The following GPC5 variants were observed in gnomAD, a reference collection of about 807,000 sequenced individuals.
GPC5 encodes glypican 5, also known as glypican-5.
Under a neutral mutation model 53.9 loss-of-function variants are expected in GPC5, and 47 were observed. The observed-to-expected ratio is 0.87, with a 90% CI of 0.69 to 1.11. The LOEUF is 1.11. Ranked by LOEUF, GPC5 falls within the 50% of genes most tolerant of loss-of-function variation. GPC5 has a pLI of 0.00. For synonymous variants in GPC5, 286 were observed against 263.3 expected, an observed-to-expected ratio of 1.09 and a Z score of -0.84; for missense variants, 748 against 713.1, an observed-to-expected ratio of 1.05 and a Z score of -0.56.
intron 5 of GPC5, among the ~76,000 whole-genome samples, chr13:91,826,244 A>G (rs1440769943): frequency 6.6e-6 from 1 of 152,086 alleles, no homozygotes; most frequent in Non-Finnish European, 1.5e-5. Context: ...AGTCATATTA[A>G]ATACGTTCAA....
At chr13:91,566,154 C>T (rs972302467) in intron 2 of GPC5, among the ~76,000 whole-genome samples, 4 of 152,068 alleles carry the variant, frequency 2.6e-5, no homozygotes, top group African/African-American at 4.8e-5. Flanking sequence ...TATCTTTGTG[C>T]GTGGGGGTCA....
At chr13:91,747,641 G>GTTT (rs3837547) in intron 4 of GPC5, among the ~76,000 whole-genome samples, 1,706 of 149,232 alleles carry the variant, frequency 0.011, 11 homozygotes, top group Middle Eastern at 0.021. Flanking sequence ...GATGTATCTG[G>GTTT]TTTTTTTTTT....
intron 7 of GPC5, among the ~76,000 whole-genome samples, chr13:92,207,173 G>A (rs1336455376): frequency 6.6e-6 from 1 of 152,134 alleles, no homozygotes; most frequent in Admixed American, 6.5e-5. Context: ...TACTAGTCTA[G>A]CAAGTCCCTC....
At chr13:91,485,023 A>G (rs1566440749) in intron 2 of GPC5, among the ~76,000 whole-genome samples, 1 of 152,244 alleles carries the variant, frequency 6.6e-6, no homozygotes, top group African/African-American at 2.4e-5. Context: ...GAAATGCAGA[A>G]TAAAAAAAAT....
intron 5 of GPC5, among the ~76,000 whole-genome samples, chr13:91,846,800 A>T (rs555877134): frequency 6.6e-6 from 1 of 152,182 alleles, no homozygotes; most frequent in African/African-American, 2.4e-5. Flanking sequence ...AGGGTGAGAT[A>T]ATAGTTTTCA....
intron 7 of GPC5, among the ~76,000 whole-genome samples, chr13:92,288,828 T>G (rs2042974595): frequency 6.6e-6 from 1 of 152,190 alleles, no homozygotes; most frequent in Non-Finnish European, 1.5e-5. Context: ...ACCTAAAATT[T>G]GGCCCTTGAT....
At chr13:92,503,967 T>C (rs992406628) in intron 7 of GPC5, among the ~76,000 whole-genome samples, 1 of 151,962 alleles carries the variant, frequency 6.6e-6, no homozygotes, top group Non-Finnish European at 1.5e-5. Flanking sequence ...TACTTTGTTT[T>C]GAAGATTGTT....
At chr13:91,648,277 A>G (rs1365052861) in intron 2 of GPC5, among the ~76,000 whole-genome samples, 1 of 152,234 alleles carries the variant, frequency 6.6e-6, no homozygotes, top group East Asian at 1.9e-4. Flanking sequence ...TGTGTTGGGC[A>G]TAAAGATTTA....
chr13:91,437,816 CT>C (rs1284802327), intron 1 of GPC5, among the ~76,000 whole-genome samples: 1 of 152,216 alleles, frequency 6.6e-6, no homozygotes, highest in South Asian at 2.1e-4. Context: ...TAGATTTGGT[CT>C]TTTCACATAG....
At chr13:91,778,229 C>T (rs1324096496) in intron 5 of GPC5, among the ~76,000 whole-genome samples, 1 of 152,112 alleles carries the variant, frequency 6.6e-6, no homozygotes, top group Non-Finnish European at 1.5e-5. Context: ...TCATGCAGGA[C>T]AAACTAGAGC....
At chr13:92,199,767 A>T (rs1446578355) in intron 7 of GPC5, among the ~76,000 whole-genome samples, 1 of 152,192 alleles carries the variant, frequency 6.6e-6, no homozygotes, top group Non-Finnish European at 1.5e-5. Flanking sequence ...TTGAAGTTTT[A>T]TTTTAAAATT....
rs192623254 is a variant in GPC5 at position 91,499,124 on chromosome 13, T to C, written c.325+50202T>C. Among the ~76,000 whole-genome samples, 30 of 152,266 alleles carry C rather than the reference T, an allele frequency of 2.0e-4. No individual in the cohort carries two copies. The East Asian group carries it at 5.0e-3, about 26-fold the overall frequency. ...TAGAGTTGGGTGGACAAGGACACTG[T>C]TAAGCTATAGTCTGTGTGGGAGGAA... On this transcript the variant is annotated intron_variant, in intron 2 of 7. Transcript: ENST00000377067.
intron 6 of GPC5, among the ~76,000 whole-genome samples, chr13:92,122,204 G>A (rs1270461463): frequency 6.6e-6 from 1 of 152,020 alleles, no homozygotes; most frequent in Non-Finnish European, 1.5e-5. Context: ...AATTTAGGGT[G>A]CCTTTTGTCT....
chr13:91,515,345 G>A (rs142909650), intron 2 of GPC5, among the ~76,000 whole-genome samples: 2 of 151,918 alleles, frequency 1.3e-5, no homozygotes, highest in South Asian at 2.1e-4. Context: ...CATTTTTTTT[G>A]AATGGAGCAT....
intron 5 of GPC5, among the ~76,000 whole-genome samples, chr13:91,796,016 G>C (rs1156397138): frequency 6.6e-6 from 1 of 152,092 alleles, no homozygotes; most frequent in Admixed American, 6.5e-5. Flanking sequence ...TCCCAAGATG[G>C]TGGCGGGCTA....
intron 7 of GPC5, among the ~76,000 whole-genome samples, chr13:92,373,446 A>G (rs1270828331): frequency 6.6e-6 from 1 of 152,148 alleles, no homozygotes; most frequent in Non-Finnish European, 1.5e-5. Context: ...AGTAAATCCT[A>G]CCAACAGCTA....
intron 7 of GPC5, among the ~76,000 whole-genome samples, chr13:92,753,598 T>C (rs543551227): frequency 2.0e-5 from 3 of 152,138 alleles, no homozygotes; most frequent in South Asian, 2.1e-4. Context: ...TTTAGAAGAA[T>C]GTATAACTAG....
intron 1 of GPC5, among the ~76,000 whole-genome samples, chr13:91,404,827 T>A (rs527395231): frequency 3.3e-5 from 5 of 152,328 alleles, no homozygotes; most frequent in African/African-American, 1.2e-4. Context: ...CATCCAGAAA[T>A]AACCACCGAA....
chr13:92,490,981 A>G (rs987264092), intron 7 of GPC5, among the ~76,000 whole-genome samples: 2 of 152,148 alleles, frequency 1.3e-5, no homozygotes, highest in Non-Finnish European at 2.9e-5. Context: ...AGAATGAGGT[A>G]GAACAAAGAC....
Sources: allele counts gnomAD v4.1 joint callset (sites outside exome capture counted in the v4.1 genomes callset), GRCh38; gene constraint gnomAD v4.1.1; transcripts MANE v1.5; gene names NCBI Gene and HGNC (gene_info 2026-07-23, HGNC 2026-07-21).